AFG2A: variants seen among roughly 807,000 people sequenced by gnomAD.
AFG2A encodes the protein ATPase family gene 2 protein homolog A.
chr4:122,986,036 G>T, the AFG2A span, among the ~76,000 whole-genome samples: 2 of 151,792 alleles, frequency 1.3e-5, no homozygotes, highest in African/African-American at 4.8e-5. Flanking sequence ...TTGACCCAGC[G>T]CTCATTCAGG....
At chr4:123,292,110 G>T in the AFG2A span, among the ~76,000 whole-genome samples, 1 of 152,026 alleles carries the variant, frequency 6.6e-6, no homozygotes, top group Non-Finnish European at 1.5e-5. Context: ...TGATTCAAAA[G>T]CATTCTCTTC....
chr4:123,165,862 G>A, the AFG2A span, among the ~76,000 whole-genome samples: 2 of 152,020 alleles, frequency 1.3e-5, no homozygotes, highest in African/African-American at 2.4e-5. Context: ...TTCACATTGG[G>A]GGGAAAATCA....
the AFG2A span, among the ~76,000 whole-genome samples, chr4:123,015,881 C>T: frequency 1.5e-3 from 73 of 48,398 alleles, no homozygotes; most frequent in African/African-American, 3.2e-3. Context: ...ACCTCCCTCC[C>T]GGACGGGGCG....
the AFG2A span, among the ~76,000 whole-genome samples, chr4:122,969,292 G>A: frequency 1.3e-5 from 2 of 151,494 alleles, no homozygotes; most frequent in African/African-American, 4.9e-5. Flanking sequence ...ATCTTTAATT[G>A]CTTCACTTTT....
At chr4:123,092,086 C>T in the AFG2A span, among the ~76,000 whole-genome samples, 1 of 152,164 alleles carries the variant, frequency 6.6e-6, no homozygotes, top group South Asian at 2.1e-4. Flanking sequence ...TCATTCCCTT[C>T]CTGATGCAGT....
chr4:123,232,701 T>C, the AFG2A span, among the ~76,000 whole-genome samples: 1 of 151,982 alleles, frequency 6.6e-6, no homozygotes, highest in African/African-American at 2.4e-5. Flanking sequence ...AGGAGATATC[T>C]GATGGAAAAG....
chr4:122,956,047 A>G, the AFG2A span, among the ~76,000 whole-genome samples: 1 of 152,230 alleles, frequency 6.6e-6, no homozygotes, highest in African/African-American at 2.4e-5. Flanking sequence ...GCCTTACTAG[A>G]GACTTTTTGA....
At chr4:123,212,308 C>T in the AFG2A span, among the ~76,000 whole-genome samples, 2 of 152,030 alleles carry the variant, frequency 1.3e-5, no homozygotes, top group African/African-American at 2.4e-5. Context: ...TCCTATTGAA[C>T]GTGAAACCTT....
the AFG2A span, among the ~76,000 whole-genome samples, chr4:123,045,080 T>G: frequency 6.6e-6 from 1 of 152,130 alleles, no homozygotes; most frequent in African/African-American, 2.4e-5. Flanking sequence ...TACCTGTTTT[T>G]AAGATCTTGT....
the AFG2A span, among the ~76,000 whole-genome samples, chr4:122,925,566 A>C: frequency 6.6e-6 from 1 of 152,120 alleles, no homozygotes; most frequent in Non-Finnish European, 1.5e-5. Context: ...AACTTTGTAC[A>C]TGCTGTCCTC....
At chr4:123,163,393 G>A in the AFG2A span, among the ~76,000 whole-genome samples, 1 of 152,294 alleles carries the variant, frequency 6.6e-6, no homozygotes, top group Admixed American at 6.5e-5. Context: ...AGTGAGCTGA[G>A]ATTGCACGGC....
At chr4:123,170,479 CA>C in the AFG2A span, among the ~76,000 whole-genome samples, 1 of 152,104 alleles carries the variant, frequency 6.6e-6, no homozygotes, top group Non-Finnish European at 1.5e-5. Context: ...CTATGAAAAG[CA>C]TTCATTTTGT....
chr4:123,267,076 A>G, the AFG2A span, among the ~76,000 whole-genome samples: 1 of 152,002 alleles, frequency 6.6e-6, no homozygotes, highest in African/African-American at 2.4e-5. Flanking sequence ...TCATCCCCAA[A>G]TGACCATAAT....
chr4:123,210,617 G>A, the AFG2A span, among the ~76,000 whole-genome samples: 1 of 152,082 alleles, frequency 6.6e-6, no homozygotes, highest in Non-Finnish European at 1.5e-5. Flanking sequence ...TCATATCTTG[G>A]CTATTGTGAA....
At chr4:123,163,680 G>C in the AFG2A span, among the ~76,000 whole-genome samples, 1 of 152,174 alleles carries the variant, frequency 6.6e-6, no homozygotes, top group African/African-American at 2.4e-5. Context: ...CACAGTCCCT[G>C]AGGGAAGGGA....
the AFG2A span, among the ~76,000 whole-genome samples, chr4:123,097,788 A>C: frequency 6.6e-6 from 1 of 152,144 alleles, no homozygotes; most frequent in African/African-American, 2.4e-5. Flanking sequence ...CTTCATTTCG[A>C]TGTTCATAAG....
chr4:123,148,893 C>T, the AFG2A span, among the ~76,000 whole-genome samples: 68 of 151,982 alleles, frequency 4.5e-4, 1 homozygote, highest in South Asian at 1.9e-3. Flanking sequence ...CTCAGCCTCC[C>T]GAGTAGCTGG....
At chr4:123,163,152 T>C in the AFG2A span, among the ~76,000 whole-genome samples, 2 of 152,148 alleles carry the variant, frequency 1.3e-5, no homozygotes, top group South Asian at 4.1e-4. Context: ...AAACACTGCC[T>C]GGGCCAGGTG....
At chr4:123,162,622 A>G in the AFG2A span, among the ~76,000 whole-genome samples, 1 of 152,236 alleles carries the variant, frequency 6.6e-6, no homozygotes, top group Non-Finnish European at 1.5e-5. Flanking sequence ...CAAAATATAG[A>G]GAGACATATC....
Sources: allele counts gnomAD v4.1 joint callset (sites outside exome capture counted in the v4.1 genomes callset), GRCh38; gene constraint gnomAD v4.1.1; transcripts MANE v1.5; gene names NCBI Gene and HGNC (gene_info 2026-07-23, HGNC 2026-07-21).